NEK11: variants seen among roughly 807,000 people sequenced by gnomAD.
NEK11 encodes NIMA related kinase 11.
NEK11 carries 72 observed loss-of-function variants against 80.7 expected under a neutral mutation model. The ratio of observed to expected loss-of-function variants is 0.89; its 90% CI spans 0.74 to 1.08. NEK11 has a LOEUF of 1.08. NEK11 is among the 50% of genes least tolerant of loss of function. The pLI is 0.00. For synonymous variants in NEK11, 251 were observed against 260.7 expected (o/e 0.96, Z 0.36); for missense variants, 764 against 763.6 (o/e 1.00, Z -0.01).
intron 3 of NEK11, among the ~76,000 whole-genome samples, chr3:131,060,206 G>T (rs954977264): frequency 1.3e-5 from 2 of 152,272 alleles, no homozygotes; most frequent in African/African-American, 4.8e-5. Context: ...CAGAATAATT[G>T]AACTATTTTG....
intron 3 of NEK11, among the ~76,000 whole-genome samples, chr3:131,041,694 G>A (rs1464557275): frequency 6.6e-6 from 1 of 152,174 alleles, no homozygotes; most frequent in Non-Finnish European, 1.5e-5. Flanking sequence ...TCTGATGGAT[G>A]AAGAGGCAAG....
intron 17 of NEK11, among the ~76,000 whole-genome samples, chr3:131,294,116 TGATTA>T (rs2096570464): frequency 6.6e-6 from 1 of 152,116 alleles, no homozygotes. Context: ...CTGCTTACTT[TGATTA>T]AATTTGCTTT....
At chr3:131,093,600 A>G (rs2077037049) in intron 4 of NEK11, among the ~76,000 whole-genome samples, 1 of 152,140 alleles carries the variant, frequency 6.6e-6, no homozygotes, top group African/African-American at 2.4e-5. Context: ...TATTTTTAGT[A>G]GAGATGGGGT....
At chr3:131,270,971 C>T (rs1409190353) in intron 16 of NEK11, among the ~76,000 whole-genome samples, 1 of 152,070 alleles carries the variant, frequency 6.6e-6, no homozygotes, top group Non-Finnish European at 1.5e-5. Context: ...TTTTTAGGTT[C>T]TAGGAAAGAT....
At chr3:131,196,507 C>T (rs1333544669) in intron 14 of NEK11, among the ~76,000 whole-genome samples, 3 of 151,670 alleles carry the variant, frequency 2.0e-5, no homozygotes, top group African/African-American at 7.3e-5. Flanking sequence ...ACAGAATTGC[C>T]TATTTAAAAA....
intron 17 of NEK11, chr3:131,325,166 G>A (rs1305495859): frequency 3.3e-5 from 5 of 152,150 alleles, no homozygotes; most frequent in African/African-American, 7.2e-5. Flanking sequence ...CAGAGGAATA[G>A]CAACAACCTG....
intron 4 of NEK11, among the ~76,000 whole-genome samples, chr3:131,087,536 C>T (rs1397199795): frequency 6.6e-6 from 1 of 152,150 alleles, no homozygotes; most frequent in African/African-American, 2.4e-5. Flanking sequence ...GCCACCGTGC[C>T]CGGCCGCAAA....
intron 14 of NEK11, among the ~76,000 whole-genome samples, chr3:131,193,322 G>T (rs2150302915): frequency 6.6e-6 from 1 of 152,254 alleles, no homozygotes; most frequent in Middle Eastern, 3.4e-3. Flanking sequence ...TAGGACAAGA[G>T]TGAAAAAGGC....
At chr3:131,134,057 C>T (rs2085063532) in intron 7 of NEK11, 101 bp downstream of exon 7, 1 of 998,846 alleles carries the variant, frequency 1.0e-6, no homozygotes, top group South Asian at 3.1e-5. Context: ...CACTTTATCC[C>T]TTTGACATGA....
At chr3:131,284,053 G>A (rs1044340279) in intron 17 of NEK11, among the ~76,000 whole-genome samples, 8 of 152,148 alleles carry the variant, frequency 5.3e-5, no homozygotes, top group African/African-American at 7.2e-5. Flanking sequence ...TAGGGAAACC[G>A]GACACCTGTA....
chr3:131,314,209 G>A (rs950991185), intron 17 of NEK11, among the ~76,000 whole-genome samples: 8 of 151,966 alleles, frequency 5.3e-5, no homozygotes, highest in Admixed American at 4.6e-4. Context: ...CCACGTTACT[G>A]TTTATCTTCT....
intron 12 of NEK11, among the ~76,000 whole-genome samples, chr3:131,168,255 T>A (rs530644377): frequency 6.6e-6 from 1 of 152,354 alleles, no homozygotes; most frequent in Non-Finnish European, 1.5e-5. Flanking sequence ...AAACTTGAAA[T>A]GCACCTTGAT....
intron 4 of NEK11, chr3:131,109,254 A>G (rs1578384840): frequency 6.6e-6 from 1 of 152,282 alleles, no homozygotes; most frequent in Middle Eastern, 3.4e-3. Flanking sequence ...GTGCAGAGTG[A>G]CTGGGTATTC....
rs558299669 is a variant in NEK11, at chr3:131,195,670, A to G, written c.1399+24783A>G. On this transcript the variant is annotated intron_variant, in intron 14 of 17. Transcript: ENST00000383366. ...TCAGGGACCTCCATAGATGATGTGA[A>G]GGTGGTCCCCGGAGTTGTACCATGA... 2.6e-5 allele frequency among the ~76,000 whole-genome samples: 4 copies of G among 152,086 alleles called. No individual in the cohort carries two copies. The East Asian group carries it at 7.7e-4, about 29-fold the overall frequency.
In NEK11 at chr3:131,168,818, TA is replaced by T; in HGVS notation, c.1177-10del. 1 of 1,601,458 alleles carries T rather than the reference TA, an allele frequency of 6.2e-7. No homozygotes were observed. Among genetic ancestry groups the T allele is most frequent in the Non-Finnish European group, 8.5e-7 (1 of 1,169,748 alleles). ...AACCACTGCTGAACAGACTTTGTCA[TA>T]ATCTCTTTAGGAAAAAACACATTTA... On this transcript the variant is annotated splice_polypyrimidine_tract_variant and intron_variant, in intron 12 of 17. Coordinates refer to ENST00000383366, the MANE Select transcript of NEK11 (RefSeq NM_024800.5).
intron 5 of NEK11, among the ~76,000 whole-genome samples, chr3:131,112,047 A>G (rs1476699535): frequency 2.6e-5 from 4 of 152,202 alleles, no homozygotes; most frequent in Non-Finnish European, 5.9e-5. Flanking sequence ...AGCCAAACAT[A>G]CAAATAGCTA....
At chr3:131,078,430 C>T (rs1560291755) in intron 3 of NEK11, among the ~76,000 whole-genome samples, 2 of 152,146 alleles carry the variant, frequency 1.3e-5, no homozygotes, top group Non-Finnish European at 2.9e-5. Context: ...GATTTCCTAA[C>T]TTAGAATTGT....
chr3:131,058,389 T>C (rs1225314499), intron 3 of NEK11, among the ~76,000 whole-genome samples: 1 of 152,176 alleles, frequency 6.6e-6, no homozygotes, highest in Non-Finnish European at 1.5e-5. Context: ...TTTGGTTCCA[T>C]ATGAACTTTA....
Position 131,184,320 on chromosome 3 carries a change from G to A in NEK11, c.1399+13433G>A, listed in dbSNP as rs139657023. On this transcript the variant is annotated intron_variant, in intron 14 of 17. Transcript: ENST00000383366. ...GAATTTGTTAGAAATGCAGAATCTC[G>A]GACTCACTTCAGACTTCCTAGATCA... is the stretch of plus-strand genomic sequence containing the variant. Among the ~76,000 whole-genome samples the A allele has an allele frequency of 5.3e-5, 8 of 152,114 alleles. No individual in the cohort carries two copies. In the East Asian group the frequency reaches 1.2e-3, roughly 22 times the overall value.
Sources: allele counts gnomAD v4.1 joint callset (sites outside exome capture counted in the v4.1 genomes callset), GRCh38; gene constraint gnomAD v4.1.1; transcripts MANE v1.5; gene names NCBI Gene and HGNC (gene_info 2026-07-23, HGNC 2026-07-21).